KIRREL3: variants seen among roughly 807,000 people sequenced by gnomAD.
KIRREL3 encodes the protein kin of IRRE-like protein 3.
A neutral mutation model predicts 89.7 loss-of-function variants in KIRREL3; 36 were observed. The observed-to-expected ratio is 0.40, with a 90% CI of 0.31 to 0.53. The LOEUF (loss-of-function observed/expected upper bound fraction) is 0.53, where lower values mean the gene tolerates loss of function less well. KIRREL3 is among the 20% of genes least tolerant of loss of function. KIRREL3 has a pLI of 0.49. For synonymous variants in KIRREL3, 445 were observed against 441.4 expected, an observed-to-expected ratio of 1.01 and a Z score of -0.10; for missense variants, 864 against 1,056.6, an observed-to-expected ratio of 0.82 and a Z score of 2.53.
At chr11:126,445,887 G>A (rs995132064) in intron 9 of KIRREL3, among the ~76,000 whole-genome samples, 7 of 152,180 alleles carry the variant, frequency 4.6e-5, no homozygotes, top group African/African-American at 1.7e-4. Context: ...GGTGGCTCAC[G>A]CCTGTAATCC....
rs969007887 is a variant in KIRREL3 at position 126,429,073 on chromosome 11, C to T, written c.1806+106G>A. ...TGGGGTGGGCAGGGGGCATCTTGAA[C>T]GCTGCTCTGCTTTTTGGAAGCATCT... On this transcript the variant is annotated intron_variant, in intron 15 of 16. Transcript: ENST00000525144. The surrounding 1 kb of genome is among the most constrained non-coding windows in gnomAD (Gnocchi z 5.2). 18 of 716,790 alleles carry T rather than the reference C, an allele frequency of 2.5e-5. No homozygotes were observed. Among genetic ancestry groups the T allele is most frequent in the East Asian group, 8.2e-5 (3 of 36,740 alleles). The allele number at this position is 716,790 out of a possible 1,614,324, so 44.4% of individuals were successfully genotyped here. A position where few individuals can be genotyped will look rare whatever the true frequency, so the allele number is the denominator to read the frequency against.
At position 126,976,012 on chromosome 11, in the gene KIRREL3, G is replaced by T. The variant is rs1255951302; in HGVS notation, c.55+24443C>A. Among the ~76,000 whole-genome samples, 4 of 150,482 alleles carry T rather than the reference G, an allele frequency of 2.7e-5. No individual in the cohort carries two copies. The highest frequency in any genetic ancestry group is 2.0e-4 in the Admixed American group (3 of 15,032). ...CCAGTTTGTAAATGGCTAAGGTGTG[G>T]CTCTCAGGACAGAGCATACCCATTC... On this transcript the variant is annotated intron_variant, in intron 1 of 16. Transcript: ENST00000525144. This position sits in a 1 kb window ranked among gnomAD's most constrained non-coding sequence, Gnocchi z 4.2.
intron 1 of KIRREL3, among the ~76,000 whole-genome samples, chr11:126,730,256 C>T (rs1443324768): frequency 6.6e-6 from 1 of 152,210 alleles, no homozygotes; most frequent in Non-Finnish European, 1.5e-5. Context: ...CCCACAGGCC[C>T]CTTGAGTGTG....
chr11:126,923,349 T>TTCCTTC lies in KIRREL3; in HGVS notation c.55+77100_55+77105dup, dbSNP rs200449757. ...TTCTTCTTCCTTCTCCTTCTCCTTC[T>TTCCTTC]TCCTTCTCCTTCTCCTTCTCCTTCT... is the stretch of plus-strand genomic sequence containing the variant. On this transcript the variant is annotated intron_variant, in intron 1 of 16. Coordinates refer to ENST00000525144, the MANE Select transcript of KIRREL3 (RefSeq NM_032531.4). Among the ~76,000 whole-genome samples, 99 of 116,076 alleles carry TTCCTTC rather than the reference T, an allele frequency of 8.5e-4. 5 individuals are homozygous for TTCCTTC. The South Asian group carries it at 0.03, about 36-fold the overall frequency. The allele number at this position is 116,076 out of a possible 152,430, so 76.2% of individuals were successfully genotyped here. A position where few individuals can be genotyped will look rare whatever the true frequency, so the allele number is the denominator to read the frequency against.
At position 126,669,116 on chromosome 11, in the gene KIRREL3, C is replaced by T. The variant is rs752114199; in HGVS notation, c.56-106204G>A. 2.0e-4 allele frequency among the ~76,000 whole-genome samples: 31 copies of T among 152,176 alleles called. No individual in the cohort carries two copies. The highest frequency in any genetic ancestry group is 4.0e-4 in the Non-Finnish European group (27 of 68,028). Reference sequence around the variant, plus strand: ...AAAGGATTTCTGGCTCCCAACTTGTCTGCTCTTTGTTTTGTTTTTGCTTTG... The same window carrying T: ...AAAGGATTTCTGGCTCCCAACTTGTTTGCTCTTTGTTTTGTTTTTGCTTTG... On this transcript the variant is annotated intron_variant, in intron 1 of 16. Transcript: ENST00000525144. The surrounding 1 kb of genome is among the most constrained non-coding windows in gnomAD (Gnocchi z 5.0).
At chr11:126,711,002 T>C (rs1947733640) in intron 1 of KIRREL3, among the ~76,000 whole-genome samples, 1 of 152,206 alleles carries the variant, frequency 6.6e-6, no homozygotes, top group Non-Finnish European at 1.5e-5. Context: ...TGTCCCCTCC[T>C]TGGGGCAAGG....
intron 4 of KIRREL3, among the ~76,000 whole-genome samples, chr11:126,514,883 TCCG>T (rs2134409384): frequency 1.3e-5 from 2 of 151,408 alleles, no homozygotes; most frequent in South Asian, 4.2e-4. Flanking sequence ...ACAATTGTCA[TCCG>T]TGTTTGGGGC....
chr11:126,638,751 A>G (rs1944359729), intron 1 of KIRREL3, among the ~76,000 whole-genome samples: 1 of 152,082 alleles, frequency 6.6e-6, no homozygotes, highest in Non-Finnish European at 1.5e-5. Flanking sequence ...CTTGAAATTC[A>G]TTTAGTGTAG....
chr11:126,869,235 A>C (rs988372518), intron 1 of KIRREL3, among the ~76,000 whole-genome samples: 2 of 150,530 alleles, frequency 1.3e-5, no homozygotes, highest in Admixed American at 6.7e-5. Flanking sequence ...CCCTCAGCCA[A>C]TGACAGAGGG....
rs56325662 is a variant in KIRREL3, at chr11:126,681,609, G to GACAC, written c.56-118701_56-118698dup. 1.6e-3 allele frequency among the ~76,000 whole-genome samples: 244 copies of GACAC among 150,388 alleles called. 1 individual carries two copies. Among genetic ancestry groups the GACAC allele is most frequent in the African/African-American group, 2.2e-3 (89 of 40,824 alleles). On this transcript the variant is annotated intron_variant, in intron 1 of 16. Coordinates refer to ENST00000525144, the MANE Select transcript of KIRREL3 (RefSeq NM_032531.4). Reference sequence around the variant, plus strand: ...GTGTGCTCCTGGGAATGTATATACAGACACACACACACACACACCAGATCA... The same window carrying GACAC: ...GTGTGCTCCTGGGAATGTATATACAGACACACACACACACACACACACCAGATCA...
intron 1 of KIRREL3, among the ~76,000 whole-genome samples, chr11:126,671,525 A>C (rs983499772): frequency 6.6e-6 from 1 of 151,766 alleles, no homozygotes; most frequent in Admixed American, 6.5e-5. Context: ...TTTGTAAATC[A>C]CATATCAGAT....
At chr11:126,942,351 A>G (rs1253961448) in intron 1 of KIRREL3, among the ~76,000 whole-genome samples, 1 of 152,182 alleles carries the variant, frequency 6.6e-6, no homozygotes, top group Non-Finnish European at 1.5e-5. Context: ...CATCATCATC[A>G]TCATGAAAAA....
In KIRREL3 at chr11:126,477,427, G is replaced by A. The variant is rs1333360489; in HGVS notation, c.434-3961C>T. On this transcript the variant is annotated intron_variant, in intron 4 of 16. Coordinates refer to ENST00000525144, the MANE Select transcript of KIRREL3 (RefSeq NM_032531.4). This position sits in a 1 kb window ranked among gnomAD's most constrained non-coding sequence, Gnocchi z 4.8. ...GCTGCCAAAGACAATGGGGTCTCGG[G>A]TGGACAGGTGGCATGGGGAGAGGGA... 1.3e-5 allele frequency among the ~76,000 whole-genome samples: 2 copies of A among 152,158 alleles called. No individual in the cohort carries two copies. Among genetic ancestry groups the A allele is most frequent in the Non-Finnish European group, 2.9e-5 (2 of 68,022 alleles).
Position 126,743,895 on chromosome 11 carries a change from A to C in KIRREL3, c.56-180983T>G, listed in dbSNP as rs572717173. Among the ~76,000 whole-genome samples, 27 of 152,300 alleles carry C rather than the reference A, an allele frequency of 1.8e-4. No homozygotes were observed. In the South Asian group the frequency reaches 5.0e-3, roughly 28 times the overall value. ...TGGTATGTATATGAGTGTGTGTGAG[A>C]CCCACAGCATGCATGCATGTACAGT... On this transcript the variant is annotated intron_variant, in intron 1 of 16. Transcript: ENST00000525144.
intron 11 of KIRREL3, 160 bp downstream of exon 11, chr11:126,440,289 T>TCACA: frequency 1.4e-6 from 1 of 728,540 alleles, no homozygotes; most frequent in Non-Finnish European, 2.4e-6. Flanking sequence ...AATTGTGTCT[T>TCACA]CACGATGCTT....
rs182621705 is a variant in KIRREL3 at position 126,867,900 on chromosome 11, T to C, written c.55+132555A>G. Among the ~76,000 whole-genome samples, 1 of 152,256 alleles carries C rather than the reference T, an allele frequency of 6.6e-6. No homozygotes were observed. The highest frequency in any genetic ancestry group is 1.9e-4 in the East Asian group (1 of 5,172). ...GGATGCCATGCATGTCTTATATATC[T>C]GTATCCCCTACAGCACCTAACCTCA... On this transcript the variant is annotated intron_variant, in intron 1 of 16. Transcript: ENST00000525144. The surrounding 1 kb of genome is among the most constrained non-coding windows in gnomAD (Gnocchi z 4.7).
Position 126,639,544 on chromosome 11 carries a change from C to A in KIRREL3, c.56-76632G>T, listed in dbSNP as rs1438885882. Among the ~76,000 whole-genome samples, 2 of 152,170 alleles carry A rather than the reference C, an allele frequency of 1.3e-5. No individual in the cohort carries two copies. The highest frequency in any genetic ancestry group is 6.5e-5 in the Admixed American group (1 of 15,276). Reference sequence around the variant, plus strand: ...GTTAAGAAGGCAGATGCTAACCAACCACCAATTGCATCCCAGGACAGTTGC... The same window carrying A: ...GTTAAGAAGGCAGATGCTAACCAACAACCAATTGCATCCCAGGACAGTTGC... On this transcript the variant is annotated intron_variant, in intron 1 of 16. Coordinates refer to ENST00000525144, the MANE Select transcript of KIRREL3 (RefSeq NM_032531.4). This position sits in a 1 kb window ranked among gnomAD's most constrained non-coding sequence, Gnocchi z 4.3.
chr11:126,906,620 GT>G lies in KIRREL3; in HGVS notation c.55+93834del, dbSNP rs34346465. Among the ~76,000 whole-genome samples the G allele has an allele frequency of 0.54, 82,596 of 151,856 alleles. 22,590 individuals carry two copies. The highest frequency in any genetic ancestry group is 0.75 in the Middle Eastern group (220 of 294). ...GCTTCAGATCTCCTTTCCTTTCACT[GT>G]TTTTTTTAGCATGTATGGGAACATT... On this transcript the variant is annotated intron_variant, in intron 1 of 16. Coordinates refer to ENST00000525144, the MANE Select transcript of KIRREL3 (RefSeq NM_032531.4). The surrounding 1 kb of genome is among the most constrained non-coding windows in gnomAD (Gnocchi z 4.1).
chr11:126,847,843 C>T (rs928612518), intron 1 of KIRREL3, among the ~76,000 whole-genome samples: 2 of 152,128 alleles, frequency 1.3e-5, no homozygotes, highest in African/African-American at 4.8e-5. Context: ...GGAAGTTACT[C>T]GTGTTCTTAA....
Sources: gnomAD v4.1 joint callset for allele counts (sites outside exome capture counted in the v4.1 genomes callset) on GRCh38, gnomAD v4.1.1 for gene constraint, Gnocchi (gnomAD v3.1) non-coding constraint, MANE v1.5 for transcripts, NCBI Gene and HGNC (gene_info 2026-07-23, HGNC 2026-07-21) for gene names.